Variants in SLCO1C1 observed in about 807,000 individuals in gnomAD.
SLCO1C1 encodes OAT-RP-5.
SLCO1C1 carries 70 observed loss-of-function variants against 76.4 expected under a neutral mutation model. That is an observed-to-expected ratio of 0.92 (90% CI 0.76 to 1.12). The LOEUF is 1.12. SLCO1C1 is among the 50% of genes most tolerant of loss of function. The probability of loss-of-function intolerance (pLI) is 0.00; values close to 1 mark genes in which losing one functional copy is unlikely to be tolerated. For missense variants in SLCO1C1, 912 were observed against 823.8 expected, an observed-to-expected ratio of 1.11 and a Z score of -1.31; for synonymous variants, 306 against 286.1, an observed-to-expected ratio of 1.07 and a Z score of -0.70.
chr12:20,731,474 A>G lies in SLCO1C1; in HGVS notation c.1187-1435A>G, dbSNP rs148659799. 8.6e-3 allele frequency among the ~76,000 whole-genome samples: 1,317 copies of G among 152,334 alleles called. 13 individuals carry two copies. The highest frequency in any genetic ancestry group is 0.013 in the Non-Finnish European group (916 of 68,024). On this transcript the variant is annotated intron_variant, in intron 9 of 14. Transcript: ENST00000266509. ...GTTTTCATTTTTATTTTACAATTTC[A>G]CATGGGGTTGTAAGTCAGACATGGC...
At chr12:20,703,361 A>G (rs1245495264) in intron 3 of SLCO1C1, among the ~76,000 whole-genome samples, 1 of 151,656 alleles carries the variant, frequency 6.6e-6, no homozygotes, top group Non-Finnish European at 1.5e-5. Flanking sequence ...CAAATTGTCT[A>G]AAACAAAATA....
At chr12:20,734,143 T>G (rs1948432401) in intron 10 of SLCO1C1, among the ~76,000 whole-genome samples, 1 of 152,164 alleles carries the variant, frequency 6.6e-6, no homozygotes, top group Non-Finnish European at 1.5e-5. Flanking sequence ...CGTCCTACTC[T>G]TGCTTCCCTG....
At chr12:20,732,169 A>G (rs915450719) in intron 9 of SLCO1C1, among the ~76,000 whole-genome samples, 18 of 152,184 alleles carry the variant, frequency 1.2e-4, no homozygotes, top group Admixed American at 1.1e-3. Context: ...ATGTACATCT[A>G]TTTATCAAGG....
At chr12:20,724,409 G>GTATATA (rs765603825) in intron 9 of SLCO1C1, among the ~76,000 whole-genome samples, 2 of 65,520 alleles carry the variant, frequency 3.1e-5, no homozygotes, top group African/African-American at 1.1e-4. Context: ...GTGTGTGTGT[G>GTATATA]TGTATATATA....
intron 14 of SLCO1C1, among the ~76,000 whole-genome samples, chr12:20,751,960 G>C (rs979198615): frequency 1.3e-5 from 2 of 152,110 alleles, no homozygotes; most frequent in Non-Finnish European, 2.9e-5. Context: ...GTACTTTTGA[G>C]TGTGAAAAGG....
intron 2 of SLCO1C1, among the ~76,000 whole-genome samples, chr12:20,700,499 G>A (rs1430147122): frequency 4.6e-5 from 7 of 150,924 alleles, no homozygotes; most frequent in Admixed American, 4.6e-4. Context: ...GTGCACACGT[G>A]CAGGTTTGTT....
chr12:20,740,010 T>C (rs1052600150), intron 11 of SLCO1C1, among the ~76,000 whole-genome samples, 174 bp from the exon 12 acceptor site: 75 of 152,286 alleles, frequency 4.9e-4, no homozygotes, highest in African/African-American at 1.8e-3. Flanking sequence ...GATAATGAAA[T>C]GTTGTATCTA....
At chr12:20,710,276 T>C (rs960213995) in intron 4 of SLCO1C1, among the ~76,000 whole-genome samples, 24 of 147,578 alleles carry the variant, frequency 1.6e-4, no homozygotes, top group African/African-American at 4.6e-4. Flanking sequence ...GGCGCGATCT[T>C]GGCTCACTGC....
intron 7 of SLCO1C1, among the ~76,000 whole-genome samples, chr12:20,718,274 C>T (rs1464480721): frequency 6.6e-6 from 1 of 152,120 alleles, no homozygotes; most frequent in Non-Finnish European, 1.5e-5. Flanking sequence ...AATGCAGTGG[C>T]AGTTGAGCCT....
Position 20,746,575 on chromosome 12 carries a change from C to G in SLCO1C1, c.1798+3206C>G, listed in dbSNP as rs573673433. Among the ~76,000 whole-genome samples, 83 of 152,164 alleles carry G rather than the reference C, an allele frequency of 5.5e-4. No homozygotes were observed. In the South Asian group the frequency reaches 0.015, roughly 27 times the overall value. On this transcript the variant is annotated intron_variant, in intron 13 of 14. Transcript: ENST00000266509. ...TAATGGAGGGATCAGACTGACATAG[C>G]CTGAACTTCACACGCATCTTAGCAT...
At chr12:20,719,813 CGGT>C (rs1947566228) in intron 7 of SLCO1C1, among the ~76,000 whole-genome samples, 10 of 152,104 alleles carry the variant, frequency 6.6e-5, no homozygotes, top group Admixed American at 2.0e-4. Context: ...CAGCCAGTGC[CGGT>C]GGAGAAGCTG....
At chr12:20,706,177 C>A in intron 4 of SLCO1C1, 96 bp downstream of exon 4, 1 of 1,386,878 alleles carries the variant, frequency 7.2e-7, no homozygotes, top group Non-Finnish European at 9.6e-7. Context: ...AAGCTTAACC[C>A]ATGATAACTT....
rs1408326891 is a variant in SLCO1C1, at chr12:20,740,239, C to A, written c.1604C>A (p.Ser535Ter). 58 of 1,613,492 alleles carry A rather than the reference C, an allele frequency of 3.6e-5. No individual in the cohort carries two copies. The highest frequency in any genetic ancestry group is 4.9e-5 in the Non-Finnish European group (58 of 1,179,846). ...GIAASKSGNS[S>*]GIVGRCQKDN... is the part of the protein sequence containing the mutation. Reference sequence around the variant, plus strand: ...GCAGCTTCTAAATCCGGAAATTCCTCAGGCATAGTGGGAAGATGTCAGAAA... The same window carrying A: ...GCAGCTTCTAAATCCGGAAATTCCTAAGGCATAGTGGGAAGATGTCAGAAA... The change falls in exon 12 of 15, where the codon TCA (serine) becomes TAA (stop). Residue 535 changes from serine to a stop codon, truncating the protein, a stop_gained. Transcript: ENST00000266509. LOFTEE classifies it high-confidence loss of function.
chr12:20,706,225 C>A, intron 4 of SLCO1C1, 144 bp downstream of exon 4: 1 of 1,082,146 alleles, frequency 9.2e-7, no homozygotes, highest in Non-Finnish European at 1.3e-6. Context: ...GATAAAATTT[C>A]ACAACAATTT....
chr12:20,710,007 A>G (rs1410218300), intron 4 of SLCO1C1, among the ~76,000 whole-genome samples: 2 of 151,516 alleles, frequency 1.3e-5, no homozygotes, highest in Non-Finnish European at 2.9e-5. Flanking sequence ...TAAAACCTGT[A>G]ACCCTCTTCT....
chr12:20,749,761 T>C (rs1220521805), intron 13 of SLCO1C1, among the ~76,000 whole-genome samples: 3 of 152,200 alleles, frequency 2.0e-5, no homozygotes, highest in Non-Finnish European at 2.9e-5. Flanking sequence ...GCTTACAGTC[T>C]AGCAGAGAAG....
At chr12:20,740,127 C>A in intron 11 of SLCO1C1, 57 bp from the exon 12 acceptor site, 1 of 1,462,426 alleles carries the variant, frequency 6.8e-7, no homozygotes, top group Non-Finnish European at 9.3e-7. Flanking sequence ...ACATAACTGT[C>A]TTTAACTTTA....
chr12:20,731,386 A>G (rs536724645), intron 9 of SLCO1C1, among the ~76,000 whole-genome samples: 74 of 133,108 alleles, frequency 5.6e-4, no homozygotes, highest in African/African-American at 2.0e-3. Flanking sequence ...ATATAAACTT[A>G]AAAAGAACAA....
rs1592318873 is a variant in SLCO1C1 at position 20,740,176 on chromosome 12, T to C, written c.1549-8T>C. ...GAAATAATTGGACTTTTCCCTATCGTGTTACAGATATTTTACAACTGCACT... is the reference window on the plus strand; with the variant it reads ...GAAATAATTGGACTTTTCCCTATCGCGTTACAGATATTTTACAACTGCACT... On this transcript the variant is annotated splice_region_variant and splice_polypyrimidine_tract_variant and intron_variant, in intron 11 of 14. Transcript: ENST00000266509. The C allele has an allele frequency of 6.2e-7, 1 of 1,605,438 alleles. No individual in the cohort carries two copies. Among genetic ancestry groups the C allele is most frequent in the African/African-American group, 1.3e-5 (1 of 74,432 alleles).
Sources: allele counts gnomAD v4.1 joint callset (sites outside exome capture counted in the v4.1 genomes callset), GRCh38; gene constraint gnomAD v4.1.1; transcripts MANE v1.5; gene names NCBI Gene and HGNC (gene_info 2026-07-23, HGNC 2026-07-21).